PDHX: variants seen among roughly 807,000 people sequenced by gnomAD.
PDHX encodes pyruvate dehydrogenase protein X component, mitochondrial.
A neutral mutation model predicts 55.3 loss-of-function variants in PDHX; 33 were observed. The observed-to-expected ratio is 0.60, with a 90% CI of 0.45 to 0.80. PDHX has a LOEUF of 0.80. PDHX is among the 30% of genes least tolerant of loss of function. The probability of loss-of-function intolerance (pLI) is 0.00; values close to 1 mark genes in which losing one functional copy is unlikely to be tolerated. For synonymous variants in PDHX, 226 were observed against 219.4 expected, an observed-to-expected ratio of 1.03 and a Z score of -0.27; for missense variants, 622 against 619.9, an observed-to-expected ratio of 1.00 and a Z score of -0.04.
chr11:34,977,340 G>A (rs1367268755), intron 7 of PDHX, among the ~76,000 whole-genome samples: 2 of 152,142 alleles, frequency 1.3e-5, no homozygotes, highest in South Asian at 2.1e-4. Flanking sequence ...AGTGGCAAAT[G>A]CAAAGACATA....
intron 7 of PDHX, among the ~76,000 whole-genome samples, chr11:34,973,674 C>A (rs368278440): frequency 1.3e-5 from 2 of 152,134 alleles, no homozygotes; most frequent in South Asian, 2.1e-4. Context: ...AACCTCATAA[C>A]TATATACTTG....
At chr11:34,994,434 A>G (rs1855817001) in intron 10 of PDHX, among the ~76,000 whole-genome samples, 1 of 152,254 alleles carries the variant, frequency 6.6e-6, no homozygotes, top group African/African-American at 2.4e-5. Context: ...GAATCAGTGA[A>G]TGAGTGAATG....
chr11:34,932,797 T>G (rs1475989585), intron 2 of PDHX, among the ~76,000 whole-genome samples: 1 of 152,188 alleles, frequency 6.6e-6, no homozygotes, highest in African/African-American at 2.4e-5. Flanking sequence ...CACTAGGCTG[T>G]TTATCACAGC....
At chr11:34,950,571 T>A (rs1440656041) in intron 3 of PDHX, among the ~76,000 whole-genome samples, 3 of 145,612 alleles carry the variant, frequency 2.1e-5, no homozygotes, top group Non-Finnish European at 4.5e-5. Flanking sequence ...TTCCCTTTCC[T>A]GTGTCCATGT....
intron 10 of PDHX, among the ~76,000 whole-genome samples, chr11:34,993,771 A>G (rs183037314): frequency 1.3e-5 from 2 of 152,122 alleles, no homozygotes; most frequent in East Asian, 1.9e-4. Context: ...GCCATTTTTC[A>G]CACACACACC....
intron 3 of PDHX, among the ~76,000 whole-genome samples, chr11:34,951,616 G>A (rs1369340987): frequency 6.6e-6 from 1 of 152,082 alleles, no homozygotes; most frequent in South Asian, 2.1e-4. Context: ...AGATGAGTAC[G>A]TTGCGGAAAT....
At chr11:34,920,502 T>A (rs1424997549) in intron 1 of PDHX, among the ~76,000 whole-genome samples, 1 of 152,186 alleles carries the variant, frequency 6.6e-6, no homozygotes, top group Non-Finnish European at 1.5e-5. Flanking sequence ...ACCCACATTG[T>A]TTTAGCAGAA....
At chr11:34,970,076 G>GT in intron 6 of PDHX, 63 bp from the exon 7 acceptor site, 1 of 1,443,076 alleles carries the variant, frequency 6.9e-7, no homozygotes, top group Non-Finnish European at 9.7e-7. Context: ...AAAGTTGCTT[G>GT]TTTTTTGTTT....
At chr11:34,966,583 A>C in intron 5 of PDHX, 57 bp from the exon 6 acceptor site, 2 of 1,535,898 alleles carry the variant, frequency 1.3e-6, no homozygotes, top group South Asian at 2.2e-5. Flanking sequence ...GTTTTCTGAA[A>C]GTTCTGTTAT....
chr11:34,995,503 G>C lies in PDHX; in HGVS notation c.*331G>C, dbSNP rs555691861. ...CTCATTTGAGCATTTTGGAATATTT[G>C]AGAATGTATGATACATGTAAAATTA... On this transcript the variant is annotated 3_prime_UTR_variant, in exon 11 of 11. Coordinates refer to ENST00000227868, the MANE Select transcript of PDHX (RefSeq NM_003477.3). The C allele has an allele frequency of 1.5e-3, 497 of 336,200 alleles. 1 individual carries two copies. Among genetic ancestry groups the C allele is most frequent in the Non-Finnish European group, 2.0e-3 (341 of 174,622 alleles). 20.8% of individuals were successfully genotyped at this position (336,200 alleles called of 1,614,324 possible). A position where few individuals can be genotyped will look rare whatever the true frequency, so the allele number is the denominator to read the frequency against.
At position 34,940,884 on chromosome 11, in the gene PDHX, G is replaced by A. The variant is rs75160785; in HGVS notation, c.242-6622G>A. Among the ~76,000 whole-genome samples, 776 of 152,276 alleles carry A rather than the reference G, an allele frequency of 5.1e-3. 6 individuals carry two copies. The highest frequency in any genetic ancestry group is 0.018 in the African/African-American group (733 of 41,558). On this transcript the variant is annotated intron_variant, in intron 2 of 10. Coordinates refer to ENST00000227868, the MANE Select transcript of PDHX (RefSeq NM_003477.3). ...TTCATCCATGTTGTAGCATTTATCA[G>A]CTGTTCATTCCTTTTGTTACTAAAT...
At chr11:34,974,318 C>A (rs1328871319) in intron 7 of PDHX, among the ~76,000 whole-genome samples, 1 of 152,146 alleles carries the variant, frequency 6.6e-6, no homozygotes, top group Non-Finnish European at 1.5e-5. Context: ...CTTCAGGGTT[C>A]ATGCATGTTG....
intron 2 of PDHX, among the ~76,000 whole-genome samples, chr11:34,940,784 A>G (rs1034892182): frequency 6.6e-6 from 1 of 152,098 alleles, no homozygotes; most frequent in Non-Finnish European, 1.5e-5. Flanking sequence ...CCTTTTGTCT[A>G]TGTTTCATAT....
intron 1 of PDHX, among the ~76,000 whole-genome samples, chr11:34,920,849 T>C (rs891452764): frequency 1.3e-5 from 2 of 152,212 alleles, no homozygotes; most frequent in Non-Finnish European, 2.9e-5. Flanking sequence ...GGAAAATGCT[T>C]ATCCATTTAA....
Position 34,992,304 on chromosome 11 carries a change from A to G in PDHX, c.1183-11A>G, listed in dbSNP as rs1380066537. ...TTGTTGGTTGTCCTATTCTGTTTGT[A>G]TTTTTCTCAGGCTCTATCAAAGAAA... On this transcript the variant is annotated splice_polypyrimidine_tract_variant and intron_variant, in intron 9 of 10. Transcript: ENST00000227868. The G allele has an allele frequency of 5.1e-6, 8 of 1,562,550 alleles. No homozygotes were observed. Among genetic ancestry groups the G allele is most frequent in the Non-Finnish European group, 7.1e-6 (8 of 1,134,106 alleles).
At chr11:34,983,873 C>T (rs1855580822) in intron 8 of PDHX, among the ~76,000 whole-genome samples, 2 of 152,152 alleles carry the variant, frequency 1.3e-5, no homozygotes, top group African/African-American at 2.4e-5. Flanking sequence ...AGATTCAATG[C>T]CATCCCCATC....
chr11:34,965,595 C>T (rs934907962), intron 5 of PDHX, among the ~76,000 whole-genome samples: 2 of 152,096 alleles, frequency 1.3e-5, no homozygotes, highest in Non-Finnish European at 2.9e-5. Context: ...ATCATATTCA[C>T]AGGCCAGATA....
At chr11:34,943,904 C>G (rs1323062997) in intron 2 of PDHX, among the ~76,000 whole-genome samples, 1 of 152,054 alleles carries the variant, frequency 6.6e-6, no homozygotes, top group Non-Finnish European at 1.5e-5. Context: ...CCCAAAGCAT[C>G]CTGACCTCAC....
At chr11:34,993,798 A>T (rs1855806149) in intron 10 of PDHX, among the ~76,000 whole-genome samples, 1 of 152,046 alleles carries the variant, frequency 6.6e-6, no homozygotes, top group African/African-American at 2.4e-5. Flanking sequence ...TGGTTTCTTG[A>T]TTGGGATTGC....
Sources: gnomAD v4.1 joint callset for allele counts (sites outside exome capture counted in the v4.1 genomes callset) on GRCh38, gnomAD v4.1.1 for gene constraint, MANE v1.5 for transcripts, NCBI Gene and HGNC (gene_info 2026-07-23, HGNC 2026-07-21) for gene names.